The following OR8H1 variants were observed in gnomAD, a reference collection of about 807,000 sequenced individuals.
OR8H1 encodes olfactory receptor 8H1.
For missense variants in OR8H1, 388 were observed against 374.1 expected (o/e 1.04, Z -0.31); for synonymous variants, 135 against 134.5 (o/e 1.00, Z -0.03).
rs763448998 is a variant in OR8H1 at position 56,290,588 on chromosome 11, C to T, written c.475G>A (p.Val159Met). 4 of 1,614,194 alleles carry T rather than the reference C, an allele frequency of 2.5e-6. No individual in the cohort carries two copies. The highest frequency in any genetic ancestry group is 3.4e-6 in the Non-Finnish European group (4 of 1,180,034). ...AAATGCAGTCTGCTCATCCAAACCACATTGACAAAGGAGTTGATAAAGCTA... is the reference window on the plus strand; with the variant it reads ...AAATGCAGTCTGCTCATCCAAACCATATTGACAAAGGAGTTGATAAAGCTA... ...VISFINSFVN[V>M]VWMSRLHFCD... The change falls in exon 2 of 2, where the codon GTG (valine) becomes ATG (methionine). Residue 159 changes from valine (V) to methionine (M), a missense_variant. Transcript: ENST00000641600.
chr11:56,291,902 A>G (rs1854157644), intron 1 of OR8H1, 49 bp downstream of exon 1: 1 of 152,204 alleles, frequency 6.6e-6, no homozygotes, highest in African/African-American at 2.4e-5. Flanking sequence ...AAAGTCCTGA[A>G]TTAATTTCAT....
At chr11:56,291,737 C>T (rs760697694) in intron 1 of OR8H1, among the ~76,000 whole-genome samples, 9 of 151,956 alleles carry the variant, frequency 5.9e-5, no homozygotes, top group Non-Finnish European at 8.8e-5. Flanking sequence ...AGTAACTTAA[C>T]CAATCAAAAT....
intron 1 of OR8H1, among the ~76,000 whole-genome samples, chr11:56,291,459 C>T (rs565613318): frequency 4.3e-4 from 66 of 151,756 alleles, no homozygotes; most frequent in Non-Finnish European, 8.1e-4. Context: ...TAAATGTTGA[C>T]GCTGATTCTG....
Position 56,290,324 on chromosome 11 carries a change from C to T in OR8H1, c.739G>A (p.Val247Ile), listed in dbSNP as rs368340807. 1.2e-6 allele frequency: 2 copies of T among 1,613,822 alleles called. No homozygotes were observed. Among genetic ancestry groups the T allele is most frequent in the African/African-American group, 1.3e-5 (1 of 74,904 alleles). ...ATCATAGTTCCATAAAAGATGGTGACTCCCAAGAGATGAGAGGCACAAGTA... is the reference window on the plus strand; with the variant it reads ...ATCATAGTTCCATAAAAGATGGTGATTCCCAAGAGATGAGAGGCACAAGTA... ...LSTCASHLLG[V>I]TIFYGTMIFT... The change falls in exon 2 of 2, where the codon GTC becomes ATC. Residue 247 changes from valine to isoleucine, a missense_variant. Transcript: ENST00000641600.
rs560916122 is a variant in OR8H1, at chr11:56,290,341, G to A, written c.722C>T (p.Ala241Val). 1.2e-6 allele frequency: 2 copies of A among 1,614,024 alleles called. No homozygotes were observed. Among genetic ancestry groups the A allele is most frequent in the South Asian group, 1.1e-5 (1 of 91,068 alleles). ...GATGGTGACTCCCAAGAGATGAGAG[G>A]CACAAGTAGACAAAGCTTTCTGCTT... ...SGKQKALSTC[A>V]SHLLGVTIFY... The change falls in exon 2 of 2, where the codon GCC becomes GTC. Residue 241 changes from alanine to valine, a missense_variant. Ala to Val is a moderately conservative substitution (Grantham distance 64). Transcript: ENST00000641600.
chr11:56,291,511 A>T (rs892669918), intron 1 of OR8H1, among the ~76,000 whole-genome samples: 1 of 152,136 alleles, frequency 6.6e-6, no homozygotes, highest in East Asian at 1.9e-4. Flanking sequence ...ATAATACTAT[A>T]CTCCTGTTTA....
chr11:56,288,917 A>G lies in OR8H1; in HGVS notation c.*1210T>C, dbSNP rs957410243. ...CCATAAGCAAAACAGCCAAAACTCA[A>G]TATTTTGAGGGTTTCTATTTTCCTT... On this transcript the variant is annotated 3_prime_UTR_variant, in exon 2 of 2. Coordinates refer to ENST00000641600, the MANE Select transcript of OR8H1 (RefSeq NM_001005199.2). 2.0e-5 allele frequency: 3 copies of G among 152,098 alleles called. No homozygotes were observed. The highest frequency in any genetic ancestry group is 1.9e-4 in the East Asian group (1 of 5,200). 9.4% of individuals were successfully genotyped at this position (152,098 alleles called of 1,614,324 possible). A position where few individuals can be genotyped will look rare whatever the true frequency, so the allele number is the denominator to read the frequency against.
rs1472552741 is a variant in OR8H1, at chr11:56,290,209, T to C, written c.854A>G (p.Asn285Ser). ...GTTTCTAAGACTATAAATGAGTGGA[T>C]TCAGCATGGGAATCACAATAGTATA... The part of the protein sequence containing the change: ...VFYTIVIPML[N>S]PLIYSLRNKE... Residue 285 changes from asparagine (N) to serine (S), a missense_variant, in exon 2 of 2, where the codon AAT becomes AGT. Asn to Ser is a conservative substitution (Grantham distance 46). Coordinates refer to ENST00000641600, the MANE Select transcript of OR8H1 (RefSeq NM_001005199.2). 1 of 1,612,494 alleles carries C rather than the reference T, an allele frequency of 6.2e-7. No individual in the cohort carries two copies. The highest frequency in any genetic ancestry group is 1.1e-5 in the South Asian group (1 of 90,726).
intron 1 of OR8H1, 113 bp downstream of exon 1, chr11:56,291,838 C>T (rs1244697550): frequency 2.6e-5 from 4 of 151,962 alleles, no homozygotes; most frequent in South Asian, 2.1e-4. Context: ...TTCACAAACC[C>T]GGACATTACT....
rs1854115198 is a variant in OR8H1, at chr11:56,289,750, T to C, written c.*377A>G. The C allele has an allele frequency of 9.4e-6, 2 of 212,020 alleles. No individual in the cohort carries two copies. Among genetic ancestry groups the C allele is most frequent in the South Asian group, 7.0e-5 (1 of 14,254 alleles). The allele number at this position is 212,020 out of a possible 1,614,324, so 13.1% of individuals were successfully genotyped here. A position where few individuals can be genotyped will look rare whatever the true frequency, so the allele number is the denominator to read the frequency against. ...GATTCTCCTACCTCAGCCCCGCAAG[T>C]AGCTGGGATTACAGGCATGCACCAC... On this transcript the variant is annotated 3_prime_UTR_variant, in exon 2 of 2. Coordinates refer to ENST00000641600, the MANE Select transcript of OR8H1 (RefSeq NM_001005199.2).
chr11:56,289,899 C>A lies in OR8H1; in HGVS notation c.*228G>T, dbSNP rs1854116680. On this transcript the variant is annotated 3_prime_UTR_variant, in exon 2 of 2. Coordinates refer to ENST00000641600, the MANE Select transcript of OR8H1 (RefSeq NM_001005199.2). ...CCTCCCAGAGTGCTGGGATTATAGGCATGAGCCACCGTGCCCGGCCAACAC... is the reference window on the plus strand; with the variant it reads ...CCTCCCAGAGTGCTGGGATTATAGGAATGAGCCACCGTGCCCGGCCAACAC... 3.6e-6 allele frequency: 2 copies of A among 555,044 alleles called. No individual in the cohort carries two copies. The highest frequency in any genetic ancestry group is 5.9e-5 in the Admixed American group (2 of 34,094). The allele number at this position is 555,044 out of a possible 1,614,324, so 34.4% of individuals were successfully genotyped here.
rs1854135312 is a variant in OR8H1 at position 56,290,620 on chromosome 11, TA to T, written c.442del (p.Tyr148MetfsTer2). 3 of 1,614,010 alleles carry T rather than the reference TA, an allele frequency of 1.9e-6. No homozygotes were observed. The highest frequency in any genetic ancestry group is 2.5e-6 in the Non-Finnish European group (3 of 1,180,030). On this transcript the variant is annotated frameshift_variant, in exon 2 of 2. Transcript: ENST00000641600. LOFTEE classifies it low-confidence loss of function (END_TRUNC). Reference sequence around the variant, plus strand: ...AAAGGAGTTGATAAAGCTAATCACATAGGGCCCAGTGACAAGAGCGCAACAC... The same window carrying T: ...AAAGGAGTTGATAAAGCTAATCACATGGGCCCAGTGACAAGAGCGCAACAC... ...RLCCALVTGPYVISFINSFVN... is the reference protein window; with the variant it reads ...RLCCALVTGPXVISFINSFVN...
rs190046156 is a variant in OR8H1 at position 56,290,701 on chromosome 11, C to T, written c.362G>A (p.Arg121His). 7 of 1,613,930 alleles carry T rather than the reference C, an allele frequency of 4.3e-6. No homozygotes were observed. The highest frequency in any genetic ancestry group is 5.9e-6 in the Non-Finnish European group (7 of 1,179,974). Residue 121 changes from arginine to histidine, a missense_variant, in exon 2 of 2, where the codon CGC becomes CAC. Coordinates refer to ENST00000641600, the MANE Select transcript of OR8H1 (RefSeq NM_001005199.2). Reference sequence around the variant, plus strand: ...TAGAGGACTGCAGATAGCTACGTAGCGATCATAGGCCATTGATGAGAGAAG... The same window carrying T: ...TAGAGGACTGCAGATAGCTACGTAGTGATCATAGGCCATTGATGAGAGAAG... ...CFLLSSMAYD[R>H]YVAICSPLRY...
chr11:56,289,310 TATAGCTGAAAATGTAGC>T lies in OR8H1; in HGVS notation c.*800_*816del, dbSNP rs1362784253. 3 of 152,198 alleles carry T rather than the reference TATAGCTGAAAATGTAGC, an allele frequency of 2.0e-5. No homozygotes were observed. Among genetic ancestry groups the T allele is most frequent in the Non-Finnish European group, 4.4e-5 (3 of 68,030 alleles). 9.4% of individuals were successfully genotyped at this position (152,198 alleles called of 1,614,324 possible). On this transcript the variant is annotated 3_prime_UTR_variant, in exon 2 of 2. Coordinates refer to ENST00000641600, the MANE Select transcript of OR8H1 (RefSeq NM_001005199.2). ...ATTTTAGGTAACATATTCTGGGTTG[TATAGCTGAAAATGTAGC>T]ATATTTAGAATCTAACTCTTGGAAA... is the stretch of plus-strand genomic sequence containing the variant.
In OR8H1 at chr11:56,289,329, T is replaced by C. The variant is rs1684521985; in HGVS notation, c.*798A>G. On this transcript the variant is annotated 3_prime_UTR_variant, in exon 2 of 2. Transcript: ENST00000641600. ...GGGTTGTATAGCTGAAAATGTAGCA[T>C]ATTTAGAATCTAACTCTTGGAAAAC... The C allele has an allele frequency of 1.3e-5, 2 of 152,208 alleles. No homozygotes were observed. The highest frequency in any genetic ancestry group is 4.1e-4 in the South Asian group (2 of 4,838). 9.4% of individuals were successfully genotyped at this position (152,208 alleles called of 1,614,324 possible). A position where few individuals can be genotyped will look rare whatever the true frequency, so the allele number is the denominator to read the frequency against.
rs188772936 is a variant in OR8H1, at chr11:56,288,883, A to G, written c.*1244T>C. 6.9e-4 allele frequency: 105 copies of G among 152,254 alleles called. No individual in the cohort carries two copies. The highest frequency in any genetic ancestry group is 2.2e-3 in the African/African-American group (93 of 41,576). The allele number at this position is 152,254 out of a possible 1,614,324, so 9.4% of individuals were successfully genotyped here. On this transcript the variant is annotated 3_prime_UTR_variant, in exon 2 of 2. Coordinates refer to ENST00000641600, the MANE Select transcript of OR8H1 (RefSeq NM_001005199.2). ...ATTAGAAAAATAAAGAAACAAAAGAATGGCTATGCCATAAGCAAAACAGCC... is the reference window on the plus strand; with the variant it reads ...ATTAGAAAAATAAAGAAACAAAAGAGTGGCTATGCCATAAGCAAAACAGCC...
Position 56,290,984 on chromosome 11 carries a change from G to C in OR8H1, c.79C>G (p.Leu27Val). Residue 27 changes from leucine (L) to valine (V), a missense_variant, in exon 2 of 2, where the codon CTC becomes GTC. By Grantham distance (32) the Leu-to-Val change is conservative (BLOSUM62 1). Transcript: ENST00000641600. ...TATATCAGGAGAAATAGTATAAAGA[G>C]GGCCATCTGGACCTCTTCAGAATCT... Reference protein sequence around the residue: ...LSDSEEVQMALFILFLLIYLI... With the variant: ...LSDSEEVQMAVFILFLLIYLI... The C allele has an allele frequency of 6.2e-7, 1 of 1,614,072 alleles. No homozygotes were observed. The highest frequency in any genetic ancestry group is 8.5e-7 in the Non-Finnish European group (1 of 1,179,974).
At position 56,290,081 on chromosome 11, in the gene OR8H1, A is replaced by G; in HGVS notation, c.*46T>C. Reference sequence around the variant, plus strand: ...AGACCAAGGACATACCAAATAGAAAAGAAAGAAAAGATGAGTTTAAATGTT... The same window carrying G: ...AGACCAAGGACATACCAAATAGAAAGGAAAGAAAAGATGAGTTTAAATGTT... On this transcript the variant is annotated 3_prime_UTR_variant, in exon 2 of 2. Coordinates refer to ENST00000641600, the MANE Select transcript of OR8H1 (RefSeq NM_001005199.2). The G allele has an allele frequency of 2.1e-6, 3 of 1,439,080 alleles. No individual in the cohort carries two copies. Among genetic ancestry groups the G allele is most frequent in the Non-Finnish European group, 2.9e-6 (3 of 1,020,640 alleles). The allele number at this position is 1,439,080 out of a possible 1,614,324, so 89.1% of individuals were successfully genotyped here.
Position 56,289,944 on chromosome 11 carries a change from C to T in OR8H1, c.*183G>A. On this transcript the variant is annotated 3_prime_UTR_variant, in exon 2 of 2. Coordinates refer to ENST00000641600, the MANE Select transcript of OR8H1 (RefSeq NM_001005199.2). ...CAACACATATTATGATTTCTAATTA[C>T]AATCTGGATTTCTGAAAACATACAC... The T allele has an allele frequency of 1.5e-6, 1 of 667,400 alleles. No individual in the cohort carries two copies. Among genetic ancestry groups the T allele is most frequent in the Non-Finnish European group, 2.6e-6 (1 of 377,584 alleles). The allele number at this position is 667,400 out of a possible 1,614,324, so 41.3% of individuals were successfully genotyped here.
Sources: allele counts gnomAD v4.1 joint callset (sites outside exome capture counted in the v4.1 genomes callset), GRCh38; gene constraint gnomAD v4.1.1; transcripts MANE v1.5; gene names NCBI Gene and HGNC (gene_info 2026-07-23, HGNC 2026-07-21).